The following SPTLC1 variants were observed in gnomAD, a reference collection of about 807,000 sequenced individuals.
SPTLC1 encodes the protein serine palmitoyltransferase 1.
In SPTLC1, 55 loss-of-function variants were observed where a neutral mutation model predicts 68.9. The ratio of observed to expected loss-of-function variants is 0.80; its 90% CI spans 0.64 to 1.00. SPTLC1 has a LOEUF of 1.00. Among genes scored for constraint, SPTLC1 ranks in the 50% least tolerant of loss-of-function variants. SPTLC1 has a pLI of 0.00. For synonymous variants in SPTLC1, 197 were observed against 201.6 expected (o/e 0.98, Z 0.19); for missense variants, 449 against 573.1 (o/e 0.78, Z 2.21).
intron 3 of SPTLC1, among the ~76,000 whole-genome samples, chr9:92,092,368 T>C (rs1442789303): frequency 1.3e-5 from 2 of 152,060 alleles, no homozygotes; most frequent in Non-Finnish European, 2.9e-5. Flanking sequence ...AAGGAAAACA[T>C]TATGCTTTAG....
At chr9:92,045,789 T>C (rs1833493164) in intron 12 of SPTLC1, among the ~76,000 whole-genome samples, 1 of 152,134 alleles carries the variant, frequency 6.6e-6, no homozygotes, top group South Asian at 2.1e-4. Context: ...TATTAATGAG[T>C]TTGTTTCATT....
At chr9:92,044,308 G>A (rs1043378913) in intron 12 of SPTLC1, among the ~76,000 whole-genome samples, 1 of 152,202 alleles carries the variant, frequency 6.6e-6, no homozygotes, top group Non-Finnish European at 1.5e-5. Context: ...AGACCGAGAT[G>A]GAGCCATTCA....
intron 3 of SPTLC1, among the ~76,000 whole-genome samples, chr9:92,101,828 A>G (rs1050486452): frequency 3.3e-5 from 5 of 151,850 alleles, no homozygotes; most frequent in African/African-American, 1.2e-4. Flanking sequence ...TTTTGAAAAT[A>G]TAGAAGAGAA....
At chr9:92,093,585 T>C (rs1028991394) in intron 3 of SPTLC1, among the ~76,000 whole-genome samples, 5 of 152,102 alleles carry the variant, frequency 3.3e-5, no homozygotes, top group African/African-American at 7.2e-5. Flanking sequence ...TAAATAAAGG[T>C]AACAAAATAC....
intron 9 of SPTLC1, among the ~76,000 whole-genome samples, chr9:92,049,420 T>C (rs951226252): frequency 6.6e-6 from 1 of 152,146 alleles, no homozygotes; most frequent in African/African-American, 2.4e-5. Context: ...AAAGGAAACA[T>C]GACACCTCAT....
At position 92,039,936 on chromosome 9, in the gene SPTLC1, C is replaced by T. The variant is rs928890427; in HGVS notation, c.1137-1571G>A. Among the ~76,000 whole-genome samples the T allele has an allele frequency of 3.9e-5, 6 of 152,204 alleles. No individual in the cohort carries two copies. The East Asian group carries it at 1.2e-3, about 29-fold the overall frequency. Reference sequence around the variant, plus strand: ...TTGAGCATGTGGAATGTGGGGGAACCTTCTAGATTAGTTCTTTACTAATGT... The same window carrying T: ...TTGAGCATGTGGAATGTGGGGGAACTTTCTAGATTAGTTCTTTACTAATGT... On this transcript the variant is annotated intron_variant, in intron 12 of 14. Coordinates refer to ENST00000262554, the MANE Select transcript of SPTLC1 (RefSeq NM_006415.4).
chr9:92,101,561 CAAAAAA>C (rs61125464), intron 3 of SPTLC1, among the ~76,000 whole-genome samples: 1 of 45,966 alleles, frequency 2.2e-5, no homozygotes, highest in South Asian at 7.6e-4. Flanking sequence ...GACTCCGTCT[CAAAAAA>C]AAAAAAAAAA....
At chr9:92,096,965 T>TGAAA (rs1835549275) in intron 3 of SPTLC1, among the ~76,000 whole-genome samples, 1 of 152,136 alleles carries the variant, frequency 6.6e-6, no homozygotes, top group Non-Finnish European at 1.5e-5. Context: ...AAAGAACTTT[T>TGAAA]ACAGTTTTAA....
Position 92,050,071 on chromosome 9 carries a change from AGT to A in SPTLC1, c.781-6_781-5del. The A allele has an allele frequency of 6.4e-7, 1 of 1,568,630 alleles. No individual in the cohort carries two copies. The highest frequency in any genetic ancestry group is 8.8e-7 in the Non-Finnish European group (1 of 1,139,310). On this transcript the variant is annotated splice_region_variant and splice_polypyrimidine_tract_variant and intron_variant, in intron 8 of 14. Transcript: ENST00000262554. ...TGTATTTGTATTTTAACTTAACCTA[AGT>A]GTTATATAAACGTTAAAATACTAAT... is the stretch of plus-strand genomic sequence containing the variant.
intron 12 of SPTLC1, among the ~76,000 whole-genome samples, chr9:92,039,405 A>G (rs375440085): frequency 6.7e-6 from 1 of 149,880 alleles, no homozygotes; most frequent in South Asian, 2.1e-4. Flanking sequence ...ATGAGATGCT[A>G]TGTCATACTA....
chr9:92,086,831 A>G (rs1371855938), intron 3 of SPTLC1, among the ~76,000 whole-genome samples: 1 of 152,194 alleles, frequency 6.6e-6, no homozygotes, highest in African/African-American at 2.4e-5. Flanking sequence ...AATATCCTGC[A>G]GAGTGTTTTC....
intron 1 of SPTLC1, 48 bp from the exon 2 acceptor site, chr9:92,112,610 C>T (rs1397378806): frequency 1.6e-6 from 2 of 1,225,818 alleles, no homozygotes; most frequent in African/African-American, 1.5e-5. Context: ...ACACTTCTAA[C>T]ACCTGCACAT....
At chr9:92,066,543 C>T (rs1834290862) in intron 6 of SPTLC1, among the ~76,000 whole-genome samples, 1 of 152,112 alleles carries the variant, frequency 6.6e-6, no homozygotes, top group Admixed American at 6.5e-5. Flanking sequence ...AAGGCTACAG[C>T]TTAAACACCT....
intron 5 of SPTLC1, among the ~76,000 whole-genome samples, chr9:92,078,830 CCTT>C (rs1204824674): frequency 1.3e-5 from 2 of 152,180 alleles, no homozygotes; most frequent in Non-Finnish European, 1.5e-5. Context: ...CACTACTTCT[CCTT>C]ATCTGTTTCC....
intron 3 of SPTLC1, among the ~76,000 whole-genome samples, chr9:92,103,498 C>T (rs1326166790): frequency 6.6e-6 from 1 of 152,204 alleles, no homozygotes; most frequent in Non-Finnish European, 1.5e-5. Context: ...ATCGCACAGC[C>T]CAGGTTCAAA....
At chr9:92,033,777 G>A (rs1833051780) in intron 14 of SPTLC1, among the ~76,000 whole-genome samples, 3 of 152,134 alleles carry the variant, frequency 2.0e-5, no homozygotes, top group Admixed American at 1.3e-4. Flanking sequence ...GTACTCCTGG[G>A]CTCAAGTGAT....
chr9:92,093,907 C>A (rs571373034), intron 3 of SPTLC1, among the ~76,000 whole-genome samples: 1 of 152,318 alleles, frequency 6.6e-6, no homozygotes, highest in African/African-American at 2.4e-5. Context: ...ATCTAGAATT[C>A]ATGAGAACTG....
chr9:92,060,361 G>C (rs1280005246), intron 6 of SPTLC1, among the ~76,000 whole-genome samples: 1 of 152,154 alleles, frequency 6.6e-6, no homozygotes, highest in Non-Finnish European at 1.5e-5. Context: ...TGAGATGACA[G>C]AGATATCAAG....
intron 3 of SPTLC1, among the ~76,000 whole-genome samples, chr9:92,097,656 C>T (rs2118770032): frequency 6.6e-6 from 1 of 152,190 alleles, no homozygotes; most frequent in Middle Eastern, 3.4e-3. Flanking sequence ...GTTGCTAAGG[C>T]CTGGGCAGAG....
Sources: gnomAD v4.1 joint callset for allele counts (sites outside exome capture counted in the v4.1 genomes callset) on GRCh38, gnomAD v4.1.1 for gene constraint, MANE v1.5 for transcripts, NCBI Gene and HGNC (gene_info 2026-07-23, HGNC 2026-07-21) for gene names.